Variants in TASP1 observed in about 807,000 individuals in gnomAD.
TASP1 encodes the protein threonine aspartase 1.
TASP1 carries 16 observed loss-of-function variants against 56.6 expected under a neutral mutation model. The ratio of observed to expected loss-of-function variants is 0.28; its 90% CI spans 0.19 to 0.43. TASP1 has a LOEUF of 0.43. TASP1 is among the 20% of genes least tolerant of loss of function. The pLI is 1.00. For synonymous variants in TASP1, 179 were observed against 184.2 expected (o/e 0.97, Z 0.23); for missense variants, 393 against 511.6 (o/e 0.77, Z 2.24).
At chr20:13,255,060 C>T in the TASP1 span, among the ~76,000 whole-genome samples, 1 of 152,112 alleles carries the variant, frequency 6.6e-6, no homozygotes, top group Non-Finnish European at 1.5e-5. Context: ...AGAAGAAAGC[C>T]CATAAATAGA....
chr20:13,368,388 C>T, the TASP1 span: 2 of 152,342 alleles, frequency 1.3e-5, no homozygotes, highest in African/African-American at 4.8e-5. Flanking sequence ...ACAGGGATTA[C>T]ACTCCACTGT....
the TASP1 span, among the ~76,000 whole-genome samples, chr20:13,200,574 C>T: frequency 2.0e-5 from 3 of 152,228 alleles, no homozygotes; most frequent in Admixed American, 6.5e-5. Flanking sequence ...TTGGAAAAAG[C>T]ACTGCCTTTA....
the TASP1 span, among the ~76,000 whole-genome samples, chr20:13,332,518 T>C: frequency 1.3e-5 from 2 of 152,194 alleles, no homozygotes; most frequent in Non-Finnish European, 2.9e-5. Flanking sequence ...TCACCAAAAT[T>C]AAAAAATTTG....
At chr20:13,217,916 A>G in the TASP1 span, among the ~76,000 whole-genome samples, 1 of 152,192 alleles carries the variant, frequency 6.6e-6, no homozygotes, top group Non-Finnish European at 1.5e-5. Flanking sequence ...CAGTAACTCA[A>G]TTTGAGTTCC....
intron 6 of TASP1, among the ~76,000 whole-genome samples, chr20:13,573,650 A>T (rs1361928556): frequency 1.3e-5 from 2 of 152,230 alleles, no homozygotes; most frequent in Non-Finnish European, 2.9e-5. Context: ...CTAGAAAGTG[A>T]ACTTCCAGGT....
At chr20:13,124,743 T>C in the TASP1 span, among the ~76,000 whole-genome samples, 1 of 152,088 alleles carries the variant, frequency 6.6e-6, no homozygotes, top group African/African-American at 2.4e-5. Context: ...CTGTGAATGT[T>C]GAAAATGCTT....
the TASP1 span, among the ~76,000 whole-genome samples, chr20:13,273,068 G>A: frequency 1.1e-4 from 17 of 152,092 alleles, no homozygotes; most frequent in Non-Finnish European, 2.1e-4. Context: ...GAAGGCTGCC[G>A]GGGACTGTTC....
chr20:13,153,198 C>A, the TASP1 span, among the ~76,000 whole-genome samples: 4 of 152,308 alleles, frequency 2.6e-5, no homozygotes, highest in Non-Finnish European at 5.9e-5. Flanking sequence ...TGAAGCAGGA[C>A]CCGAGTAGAC....
At chr20:13,414,805 C>A (rs562752552) in intron 13 of TASP1, among the ~76,000 whole-genome samples, 278 of 150,922 alleles carry the variant, frequency 1.8e-3, no homozygotes, top group Middle Eastern at 6.9e-3. Context: ...GATTTAATTG[C>A]AAGAACATTC....
chr20:13,478,192 C>G (rs537632906), intron 11 of TASP1, among the ~76,000 whole-genome samples: 2 of 151,912 alleles, frequency 1.3e-5, no homozygotes, highest in African/African-American at 2.4e-5. Context: ...AGTCTGGAAC[C>G]GCAATTATTT....
the TASP1 span, among the ~76,000 whole-genome samples, chr20:13,159,782 C>T: frequency 6.6e-6 from 1 of 152,030 alleles, no homozygotes; most frequent in South Asian, 2.1e-4. Context: ...CATAATACCA[C>T]ACACACACCA....
At chr20:13,616,192 T>C (rs1370595666) in intron 4 of TASP1, among the ~76,000 whole-genome samples, 2 of 152,152 alleles carry the variant, frequency 1.3e-5, no homozygotes, top group Non-Finnish European at 2.9e-5. Context: ...CTAGAAGACA[T>C]TTTACACTCA....
chr20:13,555,059 T>C (rs1435191225), intron 8 of TASP1, among the ~76,000 whole-genome samples: 5 of 152,196 alleles, frequency 3.3e-5, no homozygotes, highest in Admixed American at 6.5e-5. Flanking sequence ...TCTCAAACCC[T>C]GCCGTTGCTT....
intron 4 of TASP1, among the ~76,000 whole-genome samples, chr20:13,621,922 T>G (rs1432355011): frequency 6.6e-6 from 1 of 152,230 alleles, no homozygotes; most frequent in Non-Finnish European, 1.5e-5. Context: ...ACAATTGAAC[T>G]AGTTAAGTTA....
chr20:13,381,353 C>G, the TASP1 span, among the ~76,000 whole-genome samples: 1 of 152,306 alleles, frequency 6.6e-6, no homozygotes, highest in African/African-American at 2.4e-5. Flanking sequence ...CTTTGCACTT[C>G]CCAGGTGAGG....
the TASP1 span, among the ~76,000 whole-genome samples, chr20:13,120,972 C>T: frequency 1.3e-5 from 2 of 152,234 alleles, no homozygotes; most frequent in African/African-American, 4.8e-5. Context: ...AATTCCAGAT[C>T]ACTACTTCTC....
At chr20:13,284,252 C>T in the TASP1 span, among the ~76,000 whole-genome samples, 2 of 152,188 alleles carry the variant, frequency 1.3e-5, no homozygotes, top group Non-Finnish European at 2.9e-5. Flanking sequence ...ACTTCAGTTG[C>T]CCCACCACTA....
the TASP1 span, among the ~76,000 whole-genome samples, chr20:13,331,162 C>A: frequency 6.6e-6 from 1 of 152,120 alleles, no homozygotes. Flanking sequence ...CTAAACACTG[C>A]TTTATCTGCA....
the TASP1 span, among the ~76,000 whole-genome samples, chr20:13,263,344 C>A: frequency 6.6e-6 from 1 of 152,044 alleles, no homozygotes; most frequent in Non-Finnish European, 1.5e-5. Flanking sequence ...CCCCCACCAC[C>A]CCCTGCTTCC....
Sources: allele counts gnomAD v4.1 joint callset (sites outside exome capture counted in the v4.1 genomes callset), GRCh38; gene constraint gnomAD v4.1.1; transcripts MANE v1.5; gene names NCBI Gene and HGNC (gene_info 2026-07-23, HGNC 2026-07-21).